The following NXPH1 variants were observed in gnomAD, a reference collection of about 807,000 sequenced individuals.
NXPH1 encodes the protein neurexophilin 1.
NXPH1 carries 5 observed loss-of-function variants against 23.7 expected under a neutral mutation model. The observed-to-expected ratio is 0.21, with a 90% CI of 0.11 to 0.44. The LOEUF (loss-of-function observed/expected upper bound fraction) is 0.44, where lower values mean the gene tolerates loss of function less well. NXPH1 is among the 20% of genes least tolerant of loss of function. The pLI is 0.99. For missense variants in NXPH1, 324 were observed against 321.6 expected (o/e 1.01, Z -0.06); for synonymous variants, 144 against 122.2 (o/e 1.18, Z -1.18).
At position 8,557,160 on chromosome 7, in the gene NXPH1, C is replaced by T. The variant is rs140782384; in HGVS notation, c.54+121393C>T. On this transcript the variant is annotated intron_variant, in intron 2 of 2. Transcript: ENST00000405863. ...TTTAGAACCTGTGTTTGGGTCCATACATGTGCTTATGGGACAGTTGAAACC... is the reference window on the plus strand; with the variant it reads ...TTTAGAACCTGTGTTTGGGTCCATATATGTGCTTATGGGACAGTTGAAACC... Among the ~76,000 whole-genome samples, 417 of 151,786 alleles carry T rather than the reference C, an allele frequency of 2.7e-3. 3 individuals carry two copies. Among genetic ancestry groups the T allele is most frequent in the African/African-American group, 9.5e-3 (396 of 41,490 alleles).
At chr7:8,741,694 A>G (rs1460881545) in intron 2 of NXPH1, among the ~76,000 whole-genome samples, 1 of 152,138 alleles carries the variant, frequency 6.6e-6, no homozygotes, top group Non-Finnish European at 1.5e-5. Context: ...CTTATGTAAA[A>G]TGCAGGTACT....
chr7:8,572,371 G>A (rs1818665711), intron 2 of NXPH1, among the ~76,000 whole-genome samples: 1 of 151,744 alleles, frequency 6.6e-6, no homozygotes, highest in Non-Finnish European at 1.5e-5. Flanking sequence ...ATTCAATTTG[G>A]AGAAAAAGAA....
intron 2 of NXPH1, among the ~76,000 whole-genome samples, chr7:8,613,119 C>T (rs181770715): frequency 7.6e-4 from 115 of 152,108 alleles, no homozygotes; most frequent in African/African-American, 2.5e-3. Context: ...CATGCCACTA[C>T]TACCTTGAGT....
chr7:8,495,457 G>T (rs1817318473), intron 2 of NXPH1, among the ~76,000 whole-genome samples: 1 of 151,924 alleles, frequency 6.6e-6, no homozygotes, highest in Admixed American at 6.6e-5. Context: ...CATAAAATTT[G>T]CCATCACACA....
chr7:8,564,553 C>A (rs1376353413), intron 2 of NXPH1, among the ~76,000 whole-genome samples: 3 of 151,792 alleles, frequency 2.0e-5, no homozygotes, highest in African/African-American at 4.8e-5. Context: ...TGGCTGCCAT[C>A]TCGGTTAGTA....
intron 2 of NXPH1, among the ~76,000 whole-genome samples, chr7:8,471,356 C>G (rs114080845): frequency 6.6e-6 from 1 of 152,090 alleles, no homozygotes; most frequent in East Asian, 1.9e-4. Flanking sequence ...CTGGGTCACA[C>G]GAATATCATT....
chr7:8,589,813 A>G (rs1181382693), intron 2 of NXPH1, among the ~76,000 whole-genome samples: 1 of 152,088 alleles, frequency 6.6e-6, no homozygotes, highest in African/African-American at 2.4e-5. Flanking sequence ...GCCACCATCC[A>G]GTAGATAGAT....
At position 8,583,275 on chromosome 7, in the gene NXPH1, C is replaced by A. The variant is rs60671165; in HGVS notation, c.54+147508C>A. On this transcript the variant is annotated intron_variant, in intron 2 of 2. Coordinates refer to ENST00000405863, the MANE Select transcript of NXPH1 (RefSeq NM_152745.3). The stretch of plus-strand genomic sequence containing the variant: ...CCCAACCATCTACTATAGGTAGACA[C>A]GCATTGTAAAGTGCCTTCTGGGGTC... Among the ~76,000 whole-genome samples, 320 of 152,312 alleles carry A rather than the reference C, an allele frequency of 2.1e-3. 3 individuals carry two copies. Among genetic ancestry groups the A allele is most frequent in the African/African-American group, 7.3e-3 (303 of 41,574 alleles).
intron 2 of NXPH1, among the ~76,000 whole-genome samples, chr7:8,621,239 A>G (rs569456132): frequency 1.3e-5 from 2 of 152,288 alleles, no homozygotes; most frequent in Admixed American, 1.3e-4. Context: ...ACTGGAGTCA[A>G]ATCTTTAGGA....
At chr7:8,689,928 A>G (rs1024145520) in intron 2 of NXPH1, among the ~76,000 whole-genome samples, 7 of 152,214 alleles carry the variant, frequency 4.6e-5, no homozygotes, top group African/African-American at 1.7e-4. Context: ...CTAGGACAAC[A>G]GGCATAAAGC....
intron 2 of NXPH1, among the ~76,000 whole-genome samples, chr7:8,488,990 G>T (rs560521569): frequency 2.3e-4 from 35 of 152,260 alleles, no homozygotes; most frequent in African/African-American, 8.2e-4. Flanking sequence ...AATTGTGGTT[G>T]AAGAGTCTTT....
At chr7:8,658,476 C>A (rs757195139) in intron 2 of NXPH1, among the ~76,000 whole-genome samples, 2 of 152,188 alleles carry the variant, frequency 1.3e-5, no homozygotes, top group Non-Finnish European at 1.5e-5. Context: ...CAGTACCAGG[C>A]TCCAAGGAAA....
At chr7:8,462,858 T>C (rs1414335302) in intron 2 of NXPH1, among the ~76,000 whole-genome samples, 2 of 152,234 alleles carry the variant, frequency 1.3e-5, no homozygotes, top group Non-Finnish European at 2.9e-5. Flanking sequence ...AGTTATTTCC[T>C]TTGGATAAAT....
intron 2 of NXPH1, among the ~76,000 whole-genome samples, chr7:8,673,453 T>G (rs1203897177): frequency 1.3e-5 from 2 of 152,170 alleles, no homozygotes; most frequent in Non-Finnish European, 2.9e-5. Context: ...GAAATGTATT[T>G]CAAATCTGTA....
chr7:8,509,334 T>C (rs1817577676), intron 2 of NXPH1, among the ~76,000 whole-genome samples: 1 of 152,128 alleles, frequency 6.6e-6, no homozygotes, highest in South Asian at 2.1e-4. Flanking sequence ...CATTAATAAA[T>C]ATGATGTGGT....
intron 2 of NXPH1, among the ~76,000 whole-genome samples, chr7:8,471,590 G>C (rs943355254): frequency 3.3e-5 from 5 of 152,082 alleles, no homozygotes; most frequent in Admixed American, 2.0e-4. Flanking sequence ...TCTTGACTTG[G>C]CATGGAACAG....
chr7:8,572,861 C>T (rs1818676409), intron 2 of NXPH1, among the ~76,000 whole-genome samples: 1 of 151,726 alleles, frequency 6.6e-6, no homozygotes, highest in Non-Finnish European at 1.5e-5. Context: ...TTACTTCCAT[C>T]AAGGGTCATT....
intron 2 of NXPH1, among the ~76,000 whole-genome samples, chr7:8,514,806 C>T (rs958096147): frequency 5.3e-4 from 80 of 152,120 alleles, no homozygotes; most frequent in African/African-American, 1.8e-3. Flanking sequence ...CTTCCTGCCC[C>T]TCCACTCACC....
chr7:8,453,587 G>A (rs1242067599), intron 2 of NXPH1, among the ~76,000 whole-genome samples: 1 of 152,110 alleles, frequency 6.6e-6, no homozygotes, highest in Non-Finnish European at 1.5e-5. Flanking sequence ...GAGGAATATT[G>A]TGTAGGTTAT....
Sources: gnomAD v4.1 joint callset for allele counts (sites outside exome capture counted in the v4.1 genomes callset) on GRCh38, gnomAD v4.1.1 for gene constraint, MANE v1.5 for transcripts, NCBI Gene and HGNC (gene_info 2026-07-23, HGNC 2026-07-21) for gene names.